Variants in SNX29 observed in about 807,000 individuals in gnomAD.
The protein encoded by SNX29 is sorting nexin-29.
In SNX29, 78 loss-of-function variants were observed where a neutral mutation model predicts 102.1. That is an observed-to-expected ratio of 0.76 (90% CI 0.64 to 0.92). The LOEUF (loss-of-function observed/expected upper bound fraction) is 0.92, where lower values mean the gene tolerates loss of function less well. Among genes scored for constraint, SNX29 ranks in the 40% least tolerant of loss-of-function variants. SNX29 has a pLI of 0.00. For missense variants in SNX29, 1,280 were observed against 1,061.7 expected, an observed-to-expected ratio of 1.21 and a Z score of -2.86; for synonymous variants, 580 against 414.5, an observed-to-expected ratio of 1.40 and a Z score of -4.85.
intron 11 of SNX29, among the ~76,000 whole-genome samples, chr16:12,100,241 C>A (rs1362640523): frequency 2.0e-5 from 3 of 152,230 alleles, no homozygotes; most frequent in Non-Finnish European, 4.4e-5. Context: ...TCCACTGCGG[C>A]ACTGTCGACC....
At chr16:12,281,562 G>A (rs1330376415) in intron 15 of SNX29, among the ~76,000 whole-genome samples, 1 of 152,226 alleles carries the variant, frequency 6.6e-6, no homozygotes, top group African/African-American at 2.4e-5. Context: ...AATCTGGCAA[G>A]GGTAAAAGCA....
At chr16:12,543,336 A>G (rs765495857) in intron 20 of SNX29, among the ~76,000 whole-genome samples, 23 of 152,188 alleles carry the variant, frequency 1.5e-4, no homozygotes, top group Non-Finnish European at 3.2e-4. Flanking sequence ...AATCTGGGGC[A>G]GAGGAGCAGG....
At chr16:12,026,214 C>T (rs1596628712) in intron 3 of SNX29, among the ~76,000 whole-genome samples, 2 of 152,328 alleles carry the variant, frequency 1.3e-5, no homozygotes, top group Admixed American at 1.3e-4. Context: ...TCCAAGGCCA[C>T]CTTCATTCAG....
chr16:11,990,906 G>C (rs1464234099), intron 1 of SNX29, among the ~76,000 whole-genome samples: 1 of 152,238 alleles, frequency 6.6e-6, no homozygotes, highest in Non-Finnish European at 1.5e-5. Flanking sequence ...TGCCAGGGCA[G>C]TGGGCTGTTA....
intron 20 of SNX29, among the ~76,000 whole-genome samples, chr16:12,532,772 G>A (rs527654925): frequency 6.6e-6 from 1 of 152,208 alleles, no homozygotes; most frequent in Non-Finnish European, 1.5e-5. Flanking sequence ...GGAGCCTGGA[G>A]TCCATGGGGC....
intron 13 of SNX29, among the ~76,000 whole-genome samples, chr16:12,186,535 A>G (rs1322716974): frequency 6.6e-6 from 1 of 152,226 alleles, no homozygotes; most frequent in Non-Finnish European, 1.5e-5. Context: ...ACACTGGTGC[A>G]GTATTATGAC....
chr16:12,531,839 G>T (rs889735475), intron 20 of SNX29, among the ~76,000 whole-genome samples: 1 of 152,210 alleles, frequency 6.6e-6, no homozygotes, highest in African/African-American at 2.4e-5. Context: ...GGCCGCCTGT[G>T]AGCTGCCTTC....
At chr16:12,429,563 T>G (rs942357756) in intron 18 of SNX29, among the ~76,000 whole-genome samples, 2 of 152,204 alleles carry the variant, frequency 1.3e-5, no homozygotes, top group Non-Finnish European at 2.9e-5. Flanking sequence ...GCCACTGTAC[T>G]TGGCCCTGCA....
chr16:12,254,156 C>A (rs1290905141), intron 14 of SNX29, among the ~76,000 whole-genome samples: 1 of 152,074 alleles, frequency 6.6e-6, no homozygotes, highest in Non-Finnish European at 1.5e-5. Context: ...ATCTGAACAT[C>A]TACGGAGAGA....
chr16:12,469,660 C>T (rs546524732), intron 18 of SNX29, among the ~76,000 whole-genome samples: 14 of 152,296 alleles, frequency 9.2e-5, no homozygotes, highest in African/African-American at 2.9e-4. Flanking sequence ...GCTCACTCCT[C>T]GGGCAATAGA....
intron 19 of SNX29, among the ~76,000 whole-genome samples, chr16:12,495,053 T>G (rs1485189531): frequency 6.6e-6 from 1 of 152,244 alleles, no homozygotes; most frequent in Non-Finnish European, 1.5e-5. Flanking sequence ...CTTCAAGCTC[T>G]TTCTTGCCTC....
rs532884788 is a variant in SNX29, at chr16:12,105,129, G to A, written c.1403-21504G>A. ...CAACACCGTGAGCAGTTTCTTAATG[G>A]TGAGGGTCACAGTTAACCCAAAAAT... is the stretch of plus-strand genomic sequence containing the variant. On this transcript the variant is annotated intron_variant, in intron 11 of 20. Coordinates refer to ENST00000566228, the MANE Select transcript of SNX29 (RefSeq NM_032167.5). Among the ~76,000 whole-genome samples the A allele has an allele frequency of 2.0e-5, 3 of 152,294 alleles. No individual in the cohort carries two copies. In the East Asian group the frequency reaches 5.8e-4, roughly 29 times the overall value.
At chr16:12,036,236 G>A (rs1032601191) in intron 4 of SNX29, among the ~76,000 whole-genome samples, 1 of 151,326 alleles carries the variant, frequency 6.6e-6, no homozygotes, top group African/African-American at 2.4e-5. Flanking sequence ...CGCCACACTC[G>A]GCTCCTTGTA....
intron 15 of SNX29, among the ~76,000 whole-genome samples, chr16:12,311,047 A>C (rs1451612448): frequency 2.6e-5 from 4 of 152,222 alleles, no homozygotes; most frequent in African/African-American, 9.6e-5. Flanking sequence ...TTATAATAAA[A>C]AGACAGTGAA....
intron 19 of SNX29, among the ~76,000 whole-genome samples, chr16:12,520,143 A>G (rs1399779748): frequency 4.6e-5 from 7 of 152,220 alleles, no homozygotes; most frequent in Non-Finnish European, 7.3e-5. Context: ...GATTCAGGCC[A>G]GGGTGTCTGC....
chr16:12,358,089 C>A (rs1363639256), intron 16 of SNX29, among the ~76,000 whole-genome samples: 3 of 152,168 alleles, frequency 2.0e-5, no homozygotes, highest in Non-Finnish European at 4.4e-5. Context: ...ACAAACGTTT[C>A]TTTAAGGTCA....
intron 20 of SNX29, 99 bp downstream of exon 20, chr16:12,524,940 C>G (rs1038690414): frequency 1.4e-5 from 21 of 1,508,528 alleles, no homozygotes; most frequent in African/African-American, 4.2e-5. Flanking sequence ...TCCGTGATGC[C>G]CTGATCGCCA....
At chr16:12,308,093 G>A (rs993654025) in intron 15 of SNX29, among the ~76,000 whole-genome samples, 1 of 152,232 alleles carries the variant, frequency 6.6e-6, no homozygotes, top group African/African-American at 2.4e-5. Flanking sequence ...TGTAACAGTA[G>A]CCTACAGCCT....
At chr16:12,435,727 C>T (rs1278274430) in intron 18 of SNX29, among the ~76,000 whole-genome samples, 2 of 152,172 alleles carry the variant, frequency 1.3e-5, no homozygotes, top group African/African-American at 2.4e-5. Context: ...CTAGAAGGCC[C>T]CAGCTGGAAT....
Sources: gnomAD v4.1 joint callset for allele counts (sites outside exome capture counted in the v4.1 genomes callset) on GRCh38, gnomAD v4.1.1 for gene constraint, MANE v1.5 for transcripts, NCBI Gene and HGNC (gene_info 2026-07-23, HGNC 2026-07-21) for gene names.